Variants in GRIN3A observed in about 807,000 individuals in gnomAD.
GRIN3A encodes glutamate ionotropic receptor NMDA type subunit 3A, also known as glutamate receptor ionotropic, NMDA 3A.
Under a neutral mutation model 92.4 loss-of-function variants are expected in GRIN3A, and 47 were observed. That is an observed-to-expected ratio of 0.51 (90% CI 0.40 to 0.65). The LOEUF (loss-of-function observed/expected upper bound fraction) is 0.65. Among genes scored for constraint, GRIN3A ranks in the 30% least tolerant of loss-of-function variants. The pLI is 0.00. For synonymous variants in GRIN3A, 527 were observed against 540.6 expected, an observed-to-expected ratio of 0.97 and a Z score of 0.35; for missense variants, 1,324 against 1,393.1, an observed-to-expected ratio of 0.95 and a Z score of 0.79.
At chr9:101,602,553 C>G (rs1309996466) in intron 6 of GRIN3A, among the ~76,000 whole-genome samples, 1 of 152,170 alleles carries the variant, frequency 6.6e-6, no homozygotes, top group Non-Finnish European at 1.5e-5. Flanking sequence ...TAGCACCGTT[C>G]ATACCTTTTA....
chr9:101,695,452 A>G (rs1379924005), intron 1 of GRIN3A, among the ~76,000 whole-genome samples: 2 of 152,198 alleles, frequency 1.3e-5, no homozygotes, highest in Non-Finnish European at 1.5e-5. Context: ...TCTAAAAGGA[A>G]TGGTGATGTA....
At chr9:101,671,575 G>A (rs1456378000) in intron 2 of GRIN3A, among the ~76,000 whole-genome samples, 1 of 152,160 alleles carries the variant, frequency 6.6e-6, no homozygotes, top group East Asian at 1.9e-4. Flanking sequence ...CAGGGAATGA[G>A]ATTAAAAAGT....
At chr9:101,727,562 C>CT (rs11405788) in intron 1 of GRIN3A, among the ~76,000 whole-genome samples, 1,785 of 152,090 alleles carry the variant, frequency 0.012, 39 homozygotes, top group African/African-American at 0.041. Context: ...GTTAGTAAGA[C>CT]TTTATCTCAT....
At chr9:101,736,208 A>G (rs1046333387) in intron 1 of GRIN3A, among the ~76,000 whole-genome samples, 85 of 152,200 alleles carry the variant, frequency 5.6e-4, no homozygotes, top group Non-Finnish European at 8.8e-5. Flanking sequence ...ACACTGACCA[A>G]TGTTGATCAA....
In GRIN3A at chr9:101,672,500, A is replaced by G. The variant is rs527631178; in HGVS notation, c.1305-1393T>C. On this transcript the variant is annotated intron_variant, in intron 2 of 8. Coordinates refer to ENST00000361820, the MANE Select transcript of GRIN3A (RefSeq NM_133445.3). The stretch of plus-strand genomic sequence containing the variant: ...AAATTAAATTGAAATGTAGAGTGGA[A>G]CACAGTAGGTATTTTGAAAAATCAG... Among the ~76,000 whole-genome samples the G allele has an allele frequency of 7.3e-3, 1,109 of 152,272 alleles. 12 individuals carry two copies. The highest frequency in any genetic ancestry group is 0.026 in the African/African-American group (1,070 of 41,572).
intron 3 of GRIN3A, among the ~76,000 whole-genome samples, chr9:101,665,314 GA>G (rs943271417): frequency 3.1e-4 from 47 of 151,966 alleles, no homozygotes; most frequent in African/African-American, 9.2e-4. Flanking sequence ...AATTATAACA[GA>G]AAGACTTGGA....
Position 101,737,620 on chromosome 9 carries a change from C to T in GRIN3A, c.360G>A (p.Glu120=). ...SRKPGEGARA[E]ALWPRDALLF... is the part of the protein sequence containing the mutation. Reference sequence around the variant, plus strand: ...GGAGGGCGTCCCGTGGCCACAGGGCCTCCGCCCTGGCGCCCTCCCCGGGCT... The same window carrying T: ...GGAGGGCGTCCCGTGGCCACAGGGCTTCCGCCCTGGCGCCCTCCCCGGGCT... Residue 120 remains glutamate (E), a synonymous_variant, in exon 1 of 9, where the codon GAG becomes GAA. Transcript: ENST00000361820. 1 of 1,612,960 alleles carries T rather than the reference C, an allele frequency of 6.2e-7. No homozygotes were observed. Among genetic ancestry groups the T allele is most frequent in the African/African-American group, 1.3e-5 (1 of 75,076 alleles).
chr9:101,583,169 G>A (rs529102513), intron 6 of GRIN3A, among the ~76,000 whole-genome samples: 3 of 152,128 alleles, frequency 2.0e-5, no homozygotes, highest in Non-Finnish European at 4.4e-5. Context: ...CTACTAAGTC[G>A]GGATCCAGGC....
At chr9:101,688,497 T>C (rs964091028) in intron 1 of GRIN3A, among the ~76,000 whole-genome samples, 2 of 152,124 alleles carry the variant, frequency 1.3e-5, no homozygotes, top group Non-Finnish European at 2.9e-5. Context: ...AAACAGAGCG[T>C]TGGAAAAATC....
intron 1 of GRIN3A, among the ~76,000 whole-genome samples, chr9:101,707,517 G>C (rs942907910): frequency 6.6e-6 from 1 of 152,116 alleles, no homozygotes; most frequent in African/African-American, 2.4e-5. Context: ...TTCCAGATTG[G>C]CAGCTTCTGA....
At chr9:101,602,630 G>A (rs1828226028) in intron 6 of GRIN3A, among the ~76,000 whole-genome samples, 2 of 152,180 alleles carry the variant, frequency 1.3e-5, no homozygotes, top group South Asian at 4.1e-4. Flanking sequence ...GGAAAAGCAA[G>A]AACTCTTAAC....
chr9:101,668,956 A>G (rs1057157009), intron 3 of GRIN3A, among the ~76,000 whole-genome samples: 5 of 152,172 alleles, frequency 3.3e-5, no homozygotes, highest in Non-Finnish European at 7.4e-5. Flanking sequence ...ATAGTTCAAT[A>G]CATTGAGACT....
intron 1 of GRIN3A, among the ~76,000 whole-genome samples, chr9:101,702,855 T>G (rs1329209319): frequency 6.6e-6 from 1 of 152,186 alleles, no homozygotes; most frequent in Non-Finnish European, 1.5e-5. Context: ...TCACACCAAC[T>G]GCTCAGGCCA....
At chr9:101,735,887 C>A (rs1666015189) in intron 1 of GRIN3A, among the ~76,000 whole-genome samples, 1 of 147,668 alleles carries the variant, frequency 6.8e-6, no homozygotes, top group Non-Finnish European at 1.5e-5. Flanking sequence ...CTCTACAGAT[C>A]AAATCTCTGT....
intron 3 of GRIN3A, among the ~76,000 whole-genome samples, chr9:101,641,069 T>C (rs1053629345): frequency 2.0e-5 from 3 of 152,294 alleles, no homozygotes; most frequent in African/African-American, 7.2e-5. Flanking sequence ...AGTAAATTCT[T>C]ACTAAGCGTT....
Position 101,573,324 on chromosome 9 carries a change from G to T in GRIN3A, c.3198C>A (p.Asp1066Glu). 6.2e-7 allele frequency: 1 copy of T among 1,614,122 alleles called. No individual in the cohort carries two copies. Among genetic ancestry groups the T allele is most frequent in the East Asian group, 2.2e-5 (1 of 44,874 alleles). ...CTGAGTTCCGAGATACATTTAGGGA[G>T]TCTGCTTTCCCATTGGTGGTCCGCA... is the stretch of plus-strand genomic sequence containing the variant. ...PALRTTNGKA[D>E]SLNVSRNSVM... Residue 1066 changes from aspartate (D) to glutamate (E), a missense_variant, in exon 9 of 9, where the codon GAC becomes GAA. Transcript: ENST00000361820.
At position 101,613,438 on chromosome 9, in the gene GRIN3A, T is replaced by C; in HGVS notation, c.2704A>G (p.Met902Val). 1 of 1,614,170 alleles carries C rather than the reference T, an allele frequency of 6.2e-7. No homozygotes were observed. Among genetic ancestry groups the C allele is most frequent in the Non-Finnish European group, 8.5e-7 (1 of 1,179,998 alleles). ...SQYKSHGFMD[M>V]LHDKWYRVVP... ...ACCCTGTACCACTTGTCATGGAGCATATCCATAAACCCATGTGACTTGTAT... is the reference window on the plus strand; with the variant it reads ...ACCCTGTACCACTTGTCATGGAGCACATCCATAAACCCATGTGACTTGTAT... Residue 902 changes from methionine (M) to valine (V), a missense_variant, in exon 6 of 9, where the codon ATG becomes GTG. Transcript: ENST00000361820.
chr9:101,578,517 C>T (rs1322887500), intron 7 of GRIN3A, among the ~76,000 whole-genome samples: 2 of 152,208 alleles, frequency 1.3e-5, no homozygotes, highest in African/African-American at 4.8e-5. Context: ...CAGGATGGCT[C>T]ATCCAGCCTT....
At chr9:101,573,585 C>T (rs1827789245) in intron 8 of GRIN3A, 72 bp from the exon 9 acceptor site, 5 of 1,223,942 alleles carry the variant, frequency 4.1e-6, no homozygotes, top group Non-Finnish European at 1.2e-6. Flanking sequence ...ATCTGTTAGC[C>T]ATTTCCTGTG....
Sources: allele counts gnomAD v4.1 joint callset (sites outside exome capture counted in the v4.1 genomes callset), GRCh38; gene constraint gnomAD v4.1.1; transcripts MANE v1.5; gene names NCBI Gene and HGNC (gene_info 2026-07-23, HGNC 2026-07-21).